AGO4: variants seen among roughly 807,000 people sequenced by gnomAD.
AGO4 encodes the protein argonaute RISC component 4.
A neutral mutation model predicts 104.7 loss-of-function variants in AGO4; 33 were observed. The observed-to-expected ratio is 0.32, with a 90% CI of 0.24 to 0.42. The LOEUF (loss-of-function observed/expected upper bound fraction) is 0.42, where lower values mean the gene tolerates loss of function less well. Among genes scored for constraint, AGO4 ranks in the 10% least tolerant of loss-of-function variants. AGO4 has a pLI of 1.00. For missense variants in AGO4, 711 were observed against 1,083.4 expected (o/e 0.66, Z 4.83); for synonymous variants, 331 against 364.7 (o/e 0.91, Z 1.05).
At chr1:35,824,961 C>T (rs1414023920) in intron 3 of AGO4, among the ~76,000 whole-genome samples, 1 of 152,118 alleles carries the variant, frequency 6.6e-6, no homozygotes, top group Non-Finnish European at 1.5e-5. Context: ...TGTCCCTGGT[C>T]CCTGAGAACC....
Position 35,832,130 on chromosome 1 carries a change from T to C in AGO4, c.1190T>C (p.Met397Thr). Residue 397 changes from methionine to threonine, a missense_variant, in exon 10 of 18, where the codon ATG (methionine) becomes ACG (threonine). This residue lies in a region of AGO4 where 401 missense variants were observed against 665.5 expected (regional missense o/e 0.60). Transcript: ENST00000373210. The stretch of plus-strand genomic sequence containing the variant: ...TTTGGTATTGTTGTCCACAATGAAA[T>C]GACAGAGCTCACAGGCAGGGTACTT... ...KEFGIVVHNE[M>T]TELTGRVLPA... The C allele has an allele frequency of 6.2e-7, 1 of 1,614,168 alleles. No individual in the cohort carries two copies. The highest frequency in any genetic ancestry group is 8.5e-7 in the Non-Finnish European group (1 of 1,180,034).
intron 1 of AGO4, among the ~76,000 whole-genome samples, chr1:35,809,176 C>T (rs999083243): frequency 6.6e-5 from 10 of 152,134 alleles, no homozygotes; most frequent in African/African-American, 2.4e-4. Context: ...GGAGAAAGTG[C>T]TTTGGAAACT....
At chr1:35,832,360 T>C (rs1644206143) in intron 10 of AGO4, 77 bp from the exon 11 acceptor site, 1 of 1,498,474 alleles carries the variant, frequency 6.7e-7, no homozygotes, top group South Asian at 1.4e-5. Context: ...AATAGTAAAA[T>C]GGCCTTAGAT....
intron 15 of AGO4, among the ~76,000 whole-genome samples, chr1:35,847,346 G>C (rs1278821257): frequency 6.6e-6 from 1 of 151,558 alleles, no homozygotes; most frequent in Non-Finnish European, 1.5e-5. Context: ...TGATTCTCCT[G>C]CCTCAGCCTC....
At position 35,841,037 on chromosome 1, in the gene AGO4, C is replaced by T; in HGVS notation, c.1725-128C>T. ...ATTCAGTGGTCCGTAGTGTTCTTTC[C>T]CAATGGGCTTAAGTCTTTGTTCTCT... is the stretch of plus-strand genomic sequence containing the variant. On this transcript the variant is annotated intron_variant, in intron 13 of 17. Transcript: ENST00000373210. This position sits in a 1 kb window ranked among gnomAD's most constrained non-coding sequence, Gnocchi z 4.7. 1.0e-6 allele frequency: 1 copy of T among 990,860 alleles called. No individual in the cohort carries two copies. 61.4% of individuals were successfully genotyped at this position (990,860 alleles called of 1,614,324 possible). A position where few individuals can be genotyped will look rare whatever the true frequency, so the allele number is the denominator to read the frequency against.
intron 12 of AGO4, among the ~76,000 whole-genome samples, chr1:35,835,354 G>A (rs543044834): frequency 4.7e-4 from 71 of 152,248 alleles, no homozygotes; most frequent in Admixed American, 2.2e-3. Flanking sequence ...ACTGTGGCTG[G>A]CCCCAGTTTT....
intron 3 of AGO4, among the ~76,000 whole-genome samples, chr1:35,823,651 G>T (rs897094410): frequency 6.6e-6 from 1 of 150,704 alleles, no homozygotes; most frequent in African/African-American, 2.4e-5. Context: ...GGCTGGTCTC[G>T]AACTCCTGAC....
intron 2 of AGO4, among the ~76,000 whole-genome samples, chr1:35,818,701 GGAAA>G (rs1417746377): frequency 2.7e-5 from 4 of 150,892 alleles, no homozygotes; most frequent in South Asian, 2.1e-4. Context: ...AAGGAAGGAA[GGAAA>G]GAAACAAACA....
intron 1 of AGO4, among the ~76,000 whole-genome samples, chr1:35,813,748 C>CAAAAA (rs1643586465): frequency 6.9e-6 from 1 of 145,566 alleles, no homozygotes; most frequent in African/African-American, 2.6e-5. Context: ...GACCCTGGCT[C>CAAAAA]AAAAAAAGAA....
rs564990318 is a variant in AGO4 at position 35,812,283 on chromosome 1, A to G, written c.19+3848A>G. 1.3e-4 allele frequency among the ~76,000 whole-genome samples: 20 copies of G among 152,348 alleles called. No homozygotes were observed. The South Asian group carries it at 4.1e-3, about 32-fold the overall frequency. Reference sequence around the variant, plus strand: ...AAATCTTCTAAGCTTATTAAAAGAAATTATCACTCACCATCTAACTTTTCT... The same window carrying G: ...AAATCTTCTAAGCTTATTAAAAGAAGTTATCACTCACCATCTAACTTTTCT... On this transcript the variant is annotated intron_variant, in intron 1 of 17. Coordinates refer to ENST00000373210, the MANE Select transcript of AGO4 (RefSeq NM_017629.4).
Position 35,854,805 on chromosome 1 carries a change from C to G in AGO4, c.*1200C>G, listed in dbSNP as rs528493903. 1 of 152,758 alleles carries G rather than the reference C, an allele frequency of 6.5e-6. No homozygotes were observed. Among genetic ancestry groups the G allele is most frequent in the Middle Eastern group, 3.4e-3 (1 of 294 alleles). The allele number at this position is 152,758 out of a possible 1,614,324, so 9.5% of individuals were successfully genotyped here. A position where few individuals can be genotyped will look rare whatever the true frequency, so the allele number is the denominator to read the frequency against. ...GCAAATGTACCAGCATTTAAAATTT[C>G]TTTTCCTGGGAATCAAGGTAACTCA... On this transcript the variant is annotated 3_prime_UTR_variant, in exon 18 of 18. Transcript: ENST00000373210.
chr1:35,836,566 C>T (rs987771102), intron 13 of AGO4, among the ~76,000 whole-genome samples: 3 of 152,198 alleles, frequency 2.0e-5, no homozygotes, highest in Non-Finnish European at 4.4e-5. Context: ...CCTGCCACCA[C>T]ACCCGGCTAA....
intron 13 of AGO4, among the ~76,000 whole-genome samples, chr1:35,839,918 G>A (rs951388230): frequency 1.3e-5 from 2 of 149,408 alleles, no homozygotes; most frequent in Non-Finnish European, 1.5e-5. Flanking sequence ...AGTGAGCTGA[G>A]ATCATGCCAT....
At chr1:35,847,042 G>A (rs568576844) in intron 15 of AGO4, among the ~76,000 whole-genome samples, 2 of 150,342 alleles carry the variant, frequency 1.3e-5, no homozygotes, top group South Asian at 4.1e-4. Flanking sequence ...TATAGTAATT[G>A]TATATAACCT....
intron 17 of AGO4, 65 bp from the exon 18 acceptor site, chr1:35,853,432 T>G: frequency 6.9e-7 from 1 of 1,450,488 alleles, no homozygotes; most frequent in Non-Finnish European, 9.4e-7. Context: ...TTTTTTGTTG[T>G]TGTTGTTTTT....
chr1:35,836,194 C>A (rs1644308969), intron 13 of AGO4, among the ~76,000 whole-genome samples: 1 of 152,126 alleles, frequency 6.6e-6, no homozygotes. Context: ...AAATAGATAA[C>A]CCCCAAAGGT....
At chr1:35,845,301 G>A (rs1356630617) in intron 15 of AGO4, among the ~76,000 whole-genome samples, 7 of 149,668 alleles carry the variant, frequency 4.7e-5, no homozygotes, top group East Asian at 3.9e-4. Context: ...TCTGCCTCCC[G>A]GGTTCAAATA....
At chr1:35,837,053 C>T (rs1326531183) in intron 13 of AGO4, among the ~76,000 whole-genome samples, 1 of 152,024 alleles carries the variant, frequency 6.6e-6, no homozygotes, top group Non-Finnish European at 1.5e-5. Flanking sequence ...TTCATATGCT[C>T]ATTAGCCATT....
At chr1:35,852,599 C>T (rs1644728676) in intron 17 of AGO4, among the ~76,000 whole-genome samples, 1 of 152,168 alleles carries the variant, frequency 6.6e-6, no homozygotes, top group Non-Finnish European at 1.5e-5. Context: ...TTTATTGAGA[C>T]TTTGTTGTAT....
Sources: gnomAD v4.1 joint callset for allele counts (sites outside exome capture counted in the v4.1 genomes callset) on GRCh38, gnomAD v4.1.1 for gene constraint, gnomAD v4.1.1 regional missense constraint, Gnocchi (gnomAD v3.1) non-coding constraint, MANE v1.5 for transcripts, NCBI Gene and HGNC (gene_info 2026-07-23, HGNC 2026-07-21) for gene names.